The following PCDHB4 variants were observed in gnomAD, a reference collection of about 807,000 sequenced individuals.
PCDHB4 encodes the protein protocadherin beta 4.
For missense variants in PCDHB4, 1,063 were observed against 1,007.0 expected (o/e 1.06, Z -0.75); for synonymous variants, 482 against 447.3 (o/e 1.08, Z -0.98).
rs782409479 is a variant in PCDHB4, at chr5:141,122,272, G to A, written c.274G>A (p.Glu92Lys). The change falls in exon 1 of 1, where the codon GAA becomes AAA. Residue 92 changes from glutamate to lysine, a missense_variant. Glu to Lys is a moderately conservative substitution (Grantham distance 56). Coordinates refer to ENST00000194152, the MANE Select transcript of PCDHB4 (RefSeq NM_018938.4). Reference sequence around the variant, plus strand: ...GCTTCTGAGGGAGAAACTAGACCGGGAAGAGCTCTGTGGTCCTATTGAACC... The same window carrying A: ...GCTTCTGAGGGAGAAACTAGACCGGAAAGAGCTCTGTGGTCCTATTGAACC... ...DLLLREKLDR[E>K]ELCGPIEPCV... The A allele has an allele frequency of 5.0e-6, 8 of 1,614,036 alleles. No homozygotes were observed. The highest frequency in any genetic ancestry group is 6.8e-6 in the Non-Finnish European group (8 of 1,180,026).
At position 141,122,666 on chromosome 5, in the gene PCDHB4, G is replaced by T. The variant is rs1554274380; in HGVS notation, c.668G>T (p.Gly223Val). 1.9e-6 allele frequency: 3 copies of T among 1,614,170 alleles called. No homozygotes were observed. Among genetic ancestry groups the T allele is most frequent in the Admixed American group, 1.7e-5 (1 of 60,020 alleles). ...GATGGTGGGTCACCACCTAGGTCTG[G>T]CACGGTCATGGTTCGAATCCTGATC... The part of the protein sequence containing the change: ...ALDGGSPPRS[G>V]TVMVRILIMD... The change falls in exon 1 of 1, where the codon GGC (glycine) becomes GTC (valine). Residue 223 changes from glycine to valine, a missense_variant. Physicochemically the swap from Gly to Val is moderately radical, Grantham distance 109 (BLOSUM62 -3). Coordinates refer to ENST00000194152, the MANE Select transcript of PCDHB4 (RefSeq NM_018938.4).
chr5:141,123,503 T>C lies in PCDHB4; in HGVS notation c.1505T>C (p.Leu502Pro). ...PQDPHLPLAS[L>P]VSINADNGHL... is the part of the protein sequence containing the mutation. Reference sequence around the variant, plus strand: ...GACCCGCACCTGCCCCTCGCCTCCCTGGTCTCCATCAACGCAGACAACGGC... The same window carrying C: ...GACCCGCACCTGCCCCTCGCCTCCCCGGTCTCCATCAACGCAGACAACGGC... The change falls in exon 1 of 1, where the codon CTG (leucine) becomes CCG (proline). Residue 502 changes from leucine to proline, a missense_variant. By Grantham distance (98) the Leu-to-Pro change is moderately conservative. Transcript: ENST00000194152. 6.2e-7 allele frequency: 1 copy of C among 1,613,366 alleles called. No individual in the cohort carries two copies. Among genetic ancestry groups the C allele is most frequent in the Non-Finnish European group, 8.5e-7 (1 of 1,180,018 alleles).
chr5:141,123,110 A>T lies in PCDHB4; in HGVS notation c.1112A>T (p.Asp371Val), dbSNP rs200713549. The T allele has an allele frequency of 6.2e-7, 1 of 1,613,964 alleles. No individual in the cohort carries two copies. Residue 371 changes from aspartate (D) to valine (V), a missense_variant, in exon 1 of 1, where the codon GAT becomes GTT. By Grantham distance (152) the Asp-to-Val change is radical. Coordinates refer to ENST00000194152, the MANE Select transcript of PCDHB4 (RefSeq NM_018938.4). ...ETVVSIFRIR[D>V]RDSGENGKMI... ...GTAGTCTCTATCTTCCGAATTCGAG[A>T]TAGAGATTCCGGAGAAAATGGAAAG...
chr5:141,124,118 T>C lies in PCDHB4; in HGVS notation c.2120T>C (p.Phe707Ser). 6.2e-7 allele frequency: 1 copy of C among 1,610,864 alleles called. No homozygotes were observed. Among genetic ancestry groups the C allele is most frequent in the Non-Finnish European group, 8.5e-7 (1 of 1,179,850 alleles). Residue 707 changes from phenylalanine (F) to serine (S), a missense_variant, in exon 1 of 1, where the codon TTC (phenylalanine) becomes TCC (serine). Transcript: ENST00000194152. ...CTCTTCCTCTTCTCGGTGCTCCTGT[T>C]CGTGGCGGTGCGGCTGTGCAGGAGG... ...SSLFLFSVLL[F>S]VAVRLCRRSR...
At position 141,123,259 on chromosome 5, in the gene PCDHB4, G is replaced by C; in HGVS notation, c.1261G>C (p.Ala421Pro). 2.5e-6 allele frequency: 4 copies of C among 1,613,902 alleles called. No individual in the cohort carries two copies. Among genetic ancestry groups the C allele is most frequent in the South Asian group, 1.1e-5 (1 of 91,046 alleles). ...ETSAEYNITI[A>P]VTDLGTPRLK... ...CAGCGCTGAGTACAACATCACCATCGCCGTCACTGACTTGGGGACACCCAG... is the reference window on the plus strand; with the variant it reads ...CAGCGCTGAGTACAACATCACCATCCCCGTCACTGACTTGGGGACACCCAG... Residue 421 changes from alanine (A) to proline (P), a missense_variant, in exon 1 of 1, where the codon GCC (alanine) becomes CCC (proline). Transcript: ENST00000194152.
chr5:141,122,765 T>G lies in PCDHB4; in HGVS notation c.767T>G (p.Leu256Arg). 1 of 1,614,136 alleles carries G rather than the reference T, an allele frequency of 6.2e-7. No individual in the cohort carries two copies. The highest frequency in any genetic ancestry group is 8.5e-7 in the Non-Finnish European group (1 of 1,179,998). ...YGVQVLENSP[L>R]DSPIVRVLAR... ...GTGCAGGTCCTGGAAAACAGCCCCC[T>G]AGACTCTCCAATTGTTAGGGTCTTA... The change falls in exon 1 of 1, where the codon CTA becomes CGA. Residue 256 changes from leucine (L) to arginine (R), a missense_variant. Coordinates refer to ENST00000194152, the MANE Select transcript of PCDHB4 (RefSeq NM_018938.4).
Position 141,122,784 on chromosome 5 carries a change from G to A in PCDHB4, c.786G>A (p.Arg262=), listed in dbSNP as rs1199122007. Residue 262 remains arginine (R), a synonymous_variant, in exon 1 of 1, where the codon AGG becomes AGA. Transcript: ENST00000194152. ...ENSPLDSPIV[R]VLARDIDAGN... is the part of the protein sequence containing the mutation. ...GCCCCCTAGACTCTCCAATTGTTAG[G>A]GTCTTAGCTAGAGATATAGATGCTG... 6.2e-7 allele frequency: 1 copy of A among 1,614,058 alleles called. No homozygotes were observed. The highest frequency in any genetic ancestry group is 2.2e-5 in the East Asian group (1 of 44,860).
Position 141,122,931 on chromosome 5 carries a change from T to G in PCDHB4, c.933T>G (p.Ile311Met). ...AAAAAAAATTGGATTTCGAAAAAATTAAATCTTACCATGTAGAAATTGAGG... is the reference window on the plus strand; with the variant it reads ...AAAAAAAATTGGATTTCGAAAAAATGAAATCTTACCATGTAGAAATTGAGG... ...LLKKKLDFEK[I>M]KSYHVEIEAT... is the part of the protein sequence containing the mutation. The change falls in exon 1 of 1, where the codon ATT becomes ATG. Residue 311 changes from isoleucine to methionine, a missense_variant. Coordinates refer to ENST00000194152, the MANE Select transcript of PCDHB4 (RefSeq NM_018938.4). 1 of 1,610,736 alleles carries G rather than the reference T, an allele frequency of 6.2e-7. No homozygotes were observed. Among genetic ancestry groups the G allele is most frequent in the Non-Finnish European group, 8.5e-7 (1 of 1,179,128 alleles).
chr5:141,123,293 C>T lies in PCDHB4; in HGVS notation c.1295C>T (p.Thr432Ile), dbSNP rs138682208. ...VTDLGTPRLKTQQNITVQVSD... is the reference protein window; with the variant it reads ...VTDLGTPRLKIQQNITVQVSD... ...GACTTGGGGACACCCAGGCTGAAAA[C>T]CCAGCAGAACATAACCGTGCAGGTC... is the stretch of plus-strand genomic sequence containing the variant. The change falls in exon 1 of 1, where the codon ACC becomes ATC. Residue 432 changes from threonine (T) to isoleucine (I), a missense_variant. Physicochemically the swap from Thr to Ile is moderately conservative, Grantham distance 89. Transcript: ENST00000194152. 1.5e-5 allele frequency: 25 copies of T among 1,614,170 alleles called. No individual in the cohort carries two copies. Among genetic ancestry groups the T allele is most frequent in the Middle Eastern group, 1.6e-4 (1 of 6,062 alleles).
rs782468713 is a variant in PCDHB4, at chr5:141,122,138, T to C, written c.140T>C (p.Leu47Pro). 1 of 1,614,230 alleles carries C rather than the reference T, an allele frequency of 6.2e-7. No individual in the cohort carries two copies. Among genetic ancestry groups the C allele is most frequent in the Non-Finnish European group, 8.5e-7 (1 of 1,180,036 alleles). ...ETESGSFVAH[L>P]AKDLGLGIGE... The stretch of plus-strand genomic sequence containing the variant: ...GAGAGCGGCTCCTTTGTAGCCCATC[T>C]GGCCAAGGATCTGGGCCTGGGAATT... Residue 47 changes from leucine (L) to proline (P), a missense_variant, in exon 1 of 1, where the codon CTG becomes CCG. Leu to Pro is a moderately conservative substitution (Grantham distance 98). Transcript: ENST00000194152.
rs545304241 is a variant in PCDHB4 at position 141,122,940 on chromosome 5, C to G, written c.942C>G (p.Tyr314Ter). The change falls in exon 1 of 1, where the codon TAC becomes TAG. Residue 314 changes from tyrosine to a stop codon, truncating the protein, a stop_gained. Transcript: ENST00000194152. LOFTEE classifies it low-confidence loss of function (END_TRUNC). ...TGGATTTCGAAAAAATTAAATCTTA[C>G]CATGTAGAAATTGAGGCCACAGATG... ...KKLDFEKIKS[Y>*]HVEIEATDGG... 1 of 1,611,256 alleles carries G rather than the reference C, an allele frequency of 6.2e-7. No individual in the cohort carries two copies. Among genetic ancestry groups the G allele is most frequent in the South Asian group, 1.1e-5 (1 of 90,572 alleles).
Position 141,122,396 on chromosome 5 carries a change from C to G in PCDHB4, c.398C>G (p.Pro133Arg), listed in dbSNP as rs1752303455. The change falls in exon 1 of 1, where the codon CCT (proline) becomes CGT (arginine). Residue 133 changes from proline (P) to arginine (R), a missense_variant. Pro to Arg is a moderately radical substitution (Grantham distance 103). Coordinates refer to ENST00000194152, the MANE Select transcript of PCDHB4 (RefSeq NM_018938.4). ...QDINDHSPIFPEREVLLKILE... is the reference protein window; with the variant it reads ...QDINDHSPIFREREVLLKILE... ...ATAAATGATCACTCTCCAATATTCC[C>G]TGAAAGGGAAGTGCTCTTGAAAATA... 6.2e-7 allele frequency: 1 copy of G among 1,614,060 alleles called. No homozygotes were observed. The highest frequency in any genetic ancestry group is 8.5e-7 in the Non-Finnish European group (1 of 1,180,044).
chr5:141,122,724 G>A lies in PCDHB4; in HGVS notation c.726G>A (p.Val242=). 1 of 1,614,044 alleles carries A rather than the reference G, an allele frequency of 6.2e-7. No individual in the cohort carries two copies. The change falls in exon 1 of 1, where the codon GTG becomes GTA. Residue 242 remains valine, a synonymous_variant. Transcript: ENST00000194152. The stretch of plus-strand genomic sequence containing the variant: ...TCAATGACAATGCTCCTGAGTTTGT[G>A]CACACTCCATATGGGGTGCAGGTCC... ...MDINDNAPEF[V]HTPYGVQVLE...
At position 141,124,444 on chromosome 5, in the gene PCDHB4, G is replaced by A; in HGVS notation, c.*58G>A. On this transcript the variant is annotated 3_prime_UTR_variant, in exon 1 of 1. Transcript: ENST00000194152. ...GTTTTGTCAAACTTCCCACTGCAAT[G>A]CCTTTATTTAAAAAAATTGTCTACT... 1 of 1,378,616 alleles carries A rather than the reference G, an allele frequency of 7.3e-7. No homozygotes were observed. Among genetic ancestry groups the A allele is most frequent in the Non-Finnish European group, 9.9e-7 (1 of 1,014,384 alleles). The allele number at this position is 1,378,616 out of a possible 1,614,324, so 85.4% of individuals were successfully genotyped here. A position where few individuals can be genotyped will look rare whatever the true frequency, so the allele number is the denominator to read the frequency against.
chr5:141,122,834 G>A lies in PCDHB4; in HGVS notation c.836G>A (p.Gly279Asp), dbSNP rs782644748. The change falls in exon 1 of 1, where the codon GGC becomes GAC. Residue 279 changes from glycine to aspartate, a missense_variant. Gly to Asp is a moderately conservative substitution (Grantham distance 94). Coordinates refer to ENST00000194152, the MANE Select transcript of PCDHB4 (RefSeq NM_018938.4). ...GGAAACTTCGGGAGTGTTTCTTATGGCTTATTCCAAGCATCAGATGAAATT... is the reference window on the plus strand; with the variant it reads ...GGAAACTTCGGGAGTGTTTCTTATGACTTATTCCAAGCATCAGATGAAATT... Reference protein sequence around the residue: ...DAGNFGSVSYGLFQASDEIKQ... With the variant: ...DAGNFGSVSYDLFQASDEIKQ... 2.5e-6 allele frequency: 4 copies of A among 1,613,836 alleles called. No homozygotes were observed. Among genetic ancestry groups the A allele is most frequent in the Non-Finnish European group, 3.4e-6 (4 of 1,179,786 alleles).
rs1554274629 is a variant in PCDHB4 at position 141,123,804 on chromosome 5, G to A, written c.1806G>A (p.Ser602=). The A allele has an allele frequency of 3.7e-6, 6 of 1,609,740 alleles. No individual in the cohort carries two copies. The highest frequency in any genetic ancestry group is 2.2e-5 in the East Asian group (1 of 44,888). ...DGDSGQNAWL[S]YQLLKATEPG... ...ACTCGGGCCAGAACGCCTGGCTGTCGTACCAGCTGCTCAAGGCCACGGAGC... is the reference window on the plus strand; with the variant it reads ...ACTCGGGCCAGAACGCCTGGCTGTCATACCAGCTGCTCAAGGCCACGGAGC... Residue 602 remains serine, a synonymous_variant, in exon 1 of 1, where the codon TCG becomes TCA. Coordinates refer to ENST00000194152, the MANE Select transcript of PCDHB4 (RefSeq NM_018938.4).
rs1554274370 is a variant in PCDHB4, at chr5:141,122,589, A to C, written c.591A>C (p.Lys197Asn). ...AATACCCAGATTTGGTGCAGGACAA[A>C]CCACTGGATCGAGAGGAGCAGCCTG... ...GKKYPDLVQDKPLDREEQPEF... is the reference protein window; with the variant it reads ...GKKYPDLVQDNPLDREEQPEF... Residue 197 changes from lysine (K) to asparagine (N), a missense_variant, in exon 1 of 1, where the codon AAA (lysine) becomes AAC (asparagine). By Grantham distance (94) the Lys-to-Asn change is moderately conservative (BLOSUM62 0). Transcript: ENST00000194152. The C allele has an allele frequency of 6.2e-7, 1 of 1,614,020 alleles. No homozygotes were observed. Among genetic ancestry groups the C allele is most frequent in the Non-Finnish European group, 8.5e-7 (1 of 1,180,020 alleles).
chr5:141,123,312 G>C lies in PCDHB4; in HGVS notation c.1314G>C (p.Val438=), dbSNP rs1260666739. ...TGAAAACCCAGCAGAACATAACCGT[G>C]CAGGTCTCCGACGTCAATGACAACG... ...PRLKTQQNIT[V]QVSDVNDNAP... Residue 438 remains valine, a synonymous_variant, in exon 1 of 1, where the codon GTG becomes GTC. Transcript: ENST00000194152. 6.2e-7 allele frequency: 1 copy of C among 1,613,998 alleles called. No homozygotes were observed. Among genetic ancestry groups the C allele is most frequent in the African/African-American group, 1.3e-5 (1 of 74,904 alleles).
chr5:141,123,226 C>G lies in PCDHB4; in HGVS notation c.1228C>G (p.Arg410Gly). ...YTLVTERPLD[R>G]ETSAEYNITI... ...CCTGGTAACAGAGAGACCACTGGACCGAGAGACCAGCGCTGAGTACAACAT... is the reference window on the plus strand; with the variant it reads ...CCTGGTAACAGAGAGACCACTGGACGGAGAGACCAGCGCTGAGTACAACAT... Residue 410 changes from arginine to glycine, a missense_variant, in exon 1 of 1, where the codon CGA (arginine) becomes GGA (glycine). Physicochemically the swap from Arg to Gly is moderately radical, Grantham distance 125. Coordinates refer to ENST00000194152, the MANE Select transcript of PCDHB4 (RefSeq NM_018938.4). 4 of 1,614,152 alleles carry G rather than the reference C, an allele frequency of 2.5e-6. No homozygotes were observed. Among genetic ancestry groups the G allele is most frequent in the Non-Finnish European group, 3.4e-6 (4 of 1,180,042 alleles).
Sources: allele counts gnomAD v4.1 joint callset, GRCh38; gene constraint gnomAD v4.1.1; transcripts MANE v1.5; gene names NCBI Gene and HGNC (gene_info 2026-07-23, HGNC 2026-07-21).